PEX5L: variants seen among roughly 807,000 people sequenced by gnomAD.
PEX5L encodes PEX5-related protein.
A neutral mutation model predicts 84.0 loss-of-function variants in PEX5L; 30 were observed. That is an observed-to-expected ratio of 0.36 (90% CI 0.27 to 0.48). The LOEUF (loss-of-function observed/expected upper bound fraction) is 0.48. Among genes scored for constraint, PEX5L ranks in the 20% least tolerant of loss-of-function variants. The pLI, the probability that PEX5L is intolerant of heterozygous loss-of-function variation, is 0.99. For synonymous variants in PEX5L, 270 were observed against 283.1 expected, an observed-to-expected ratio of 0.95 and a Z score of 0.46; for missense variants, 533 against 754.6, an observed-to-expected ratio of 0.71 and a Z score of 3.44.
intron 7 of PEX5L, among the ~76,000 whole-genome samples, chr3:179,865,372 C>G (rs752593646): frequency 1.8e-4 from 27 of 152,066 alleles, no homozygotes; most frequent in Non-Finnish European, 3.7e-4. Flanking sequence ...AGGCAGTTTT[C>G]GAATAGCGAT....
chr3:180,036,478 G>T, intron 1 of PEX5L, 101 bp downstream of exon 1: 1 of 1,075,826 alleles, frequency 9.3e-7, no homozygotes, highest in South Asian at 1.3e-5. Flanking sequence ...TTCACTTGTT[G>T]AGCTGTGCGA....
At chr3:179,877,468 C>CT (rs1231829098) in intron 5 of PEX5L, among the ~76,000 whole-genome samples, 3 of 151,824 alleles carry the variant, frequency 2.0e-5, no homozygotes, top group Admixed American at 6.6e-5. Context: ...TTAATATATT[C>CT]TTTTTTTTAA....
Position 180,036,624 on chromosome 3 carries a change from C to T in PEX5L, c.-25G>A, listed in dbSNP as rs1286799758. ...TTCTGCTTCGGTTTCTTCAGGGCTC[C>T]CTGAGGCCACCGGATGCTTTTCCCC... is the stretch of plus-strand genomic sequence containing the variant. On this transcript the variant is annotated 5_prime_UTR_variant, in exon 1 of 15. Transcript: ENST00000467460. 1.2e-6 allele frequency: 2 copies of T among 1,613,744 alleles called. No individual in the cohort carries two copies. Among genetic ancestry groups the T allele is most frequent in the Non-Finnish European group, 1.7e-6 (2 of 1,179,736 alleles).
chr3:179,931,301 G>A (rs1415572535), intron 2 of PEX5L, among the ~76,000 whole-genome samples: 1 of 152,092 alleles, frequency 6.6e-6, no homozygotes, highest in African/African-American at 2.4e-5. Context: ...ATCTCAGGAG[G>A]CAAAGGCCTC....
At chr3:179,809,321 T>G in intron 12 of PEX5L, 150 bp downstream of exon 12, 2 of 632,752 alleles carry the variant, frequency 3.2e-6, no homozygotes, top group Non-Finnish European at 5.6e-6. Flanking sequence ...TTAATCTTTC[T>G]AACGAGTGAT....
At chr3:180,015,921 G>A (rs1241117178) in intron 1 of PEX5L, among the ~76,000 whole-genome samples, 1 of 148,590 alleles carries the variant, frequency 6.7e-6, no homozygotes, top group East Asian at 1.9e-4. Context: ...ATAAACAAAA[G>A]TGTAAAAGTA....
intron 8 of PEX5L, among the ~76,000 whole-genome samples, chr3:179,855,423 T>C (rs1180344796): frequency 6.6e-6 from 1 of 152,208 alleles, no homozygotes; most frequent in African/African-American, 2.4e-5. Context: ...TTTAAGAATC[T>C]TATATCCCAC....
intron 1 of PEX5L, among the ~76,000 whole-genome samples, chr3:180,026,890 T>C (rs1017547114): frequency 6.6e-6 from 1 of 152,162 alleles, no homozygotes; most frequent in Non-Finnish European, 1.5e-5. Flanking sequence ...ACTCTCTTTC[T>C]ACATTTGGGA....
intron 8 of PEX5L, among the ~76,000 whole-genome samples, chr3:179,838,509 C>T (rs934207212): frequency 7.2e-5 from 11 of 152,184 alleles, no homozygotes; most frequent in Admixed American, 7.2e-4. Context: ...GTGAGTTTGA[C>T]TAGGAATTAA....
intron 1 of PEX5L, among the ~76,000 whole-genome samples, chr3:180,024,368 A>ATG (rs1255350591): frequency 1.7e-5 from 2 of 118,020 alleles, no homozygotes; most frequent in Admixed American, 7.8e-5. Context: ...ATATATATAT[A>ATG]TATATACACA....
chr3:179,947,051 T>C (rs1388709168), intron 2 of PEX5L, among the ~76,000 whole-genome samples: 1 of 152,198 alleles, frequency 6.6e-6, no homozygotes, highest in Non-Finnish European at 1.5e-5. Context: ...TAATTTTCAA[T>C]TGAGTGGAGG....
intron 1 of PEX5L, among the ~76,000 whole-genome samples, chr3:180,019,202 T>C (rs78563548): frequency 0.027 from 4,090 of 152,228 alleles, 179 homozygotes; most frequent in African/African-American, 0.095. Flanking sequence ...AGGGTCACAG[T>C]TGGAAATAAA....
chr3:179,914,504 T>C (rs1433996215), intron 2 of PEX5L, among the ~76,000 whole-genome samples: 2 of 152,224 alleles, frequency 1.3e-5, no homozygotes, highest in African/African-American at 2.4e-5. Context: ...TTTCTTAAAG[T>C]TGGATATTGG....
intron 8 of PEX5L, among the ~76,000 whole-genome samples, chr3:179,828,837 G>A (rs1472612912): frequency 6.6e-6 from 1 of 152,146 alleles, no homozygotes; most frequent in Non-Finnish European, 1.5e-5. Flanking sequence ...TTTGTTTTAC[G>A]TGATTGCTTC....
At chr3:180,018,343 T>C (rs1790119056) in intron 1 of PEX5L, among the ~76,000 whole-genome samples, 1 of 152,202 alleles carries the variant, frequency 6.6e-6, no homozygotes, top group South Asian at 2.1e-4. Context: ...TTTTAGCCAG[T>C]GAATATCTCA....
chr3:179,967,491 A>G (rs1478598739), intron 2 of PEX5L, among the ~76,000 whole-genome samples: 1 of 152,178 alleles, frequency 6.6e-6, no homozygotes, highest in Non-Finnish European at 1.5e-5. Flanking sequence ...CATTTTACAA[A>G]TAATATCAGA....
intron 2 of PEX5L, among the ~76,000 whole-genome samples, chr3:179,929,041 A>G (rs1772257827): frequency 6.6e-6 from 1 of 152,198 alleles, no homozygotes; most frequent in Admixed American, 6.5e-5. Context: ...AAAGGGAAAC[A>G]TGTCAGGCCA....
chr3:179,938,604 G>A (rs1179789845), intron 2 of PEX5L, among the ~76,000 whole-genome samples: 2 of 152,146 alleles, frequency 1.3e-5, no homozygotes, highest in Non-Finnish European at 2.9e-5. Flanking sequence ...AAGAGTTTAC[G>A]GGAAAAATAT....
intron 8 of PEX5L, among the ~76,000 whole-genome samples, chr3:179,835,436 C>G (rs997566711): frequency 6.6e-6 from 1 of 151,848 alleles, no homozygotes; most frequent in African/African-American, 2.4e-5. Flanking sequence ...ATATATCAGT[C>G]GGTAATGGTT....
Sources: gnomAD v4.1 joint callset for allele counts (sites outside exome capture counted in the v4.1 genomes callset) on GRCh38, gnomAD v4.1.1 for gene constraint, MANE v1.5 for transcripts, NCBI Gene and HGNC (gene_info 2026-07-23, HGNC 2026-07-21) for gene names.